PTK2: variants seen among roughly 807,000 people sequenced by gnomAD.
The protein encoded by PTK2 is protein tyrosine kinase 2, also known as focal adhesion kinase 1.
In PTK2, 45 loss-of-function variants were observed where a neutral mutation model predicts 150.1. The observed-to-expected ratio is 0.30, with a 90% CI of 0.24 to 0.38. The LOEUF is 0.38. PTK2 is among the 10% of genes least tolerant of loss of function. The pLI, the probability that PTK2 is intolerant of heterozygous loss-of-function variation, is 1.00. For missense variants in PTK2, 919 were observed against 1,307.3 expected (o/e 0.70, Z 4.58); for synonymous variants, 432 against 449.2 (o/e 0.96, Z 0.48).
At chr8:140,738,949 G>C in intron 21 of PTK2, 69 bp downstream of exon 24, 1 of 1,080,486 alleles carries the variant, frequency 9.3e-7, no homozygotes, top group Non-Finnish European at 1.3e-6. Flanking sequence ...TCCAAAAAGA[G>C]ATAATTTTTT....
At chr8:140,982,735 T>C (rs1022923772) in intron 1 of PTK2, among the ~76,000 whole-genome samples, 1 of 152,238 alleles carries the variant, frequency 6.6e-6, no homozygotes, top group African/African-American at 2.4e-5. Flanking sequence ...TTATGTCACA[T>C]TTTAGCAGGA....
intron 18 of PTK2, among the ~76,000 whole-genome samples, chr8:140,744,997 G>A (rs1044565424): frequency 6.6e-6 from 1 of 151,982 alleles, no homozygotes; most frequent in African/African-American, 2.4e-5. Flanking sequence ...AAATATTTTT[G>A]ACTAACGACA....
intron 10 of PTK2, among the ~76,000 whole-genome samples, chr8:140,804,804 T>C (rs891732451): frequency 6.6e-6 from 1 of 152,228 alleles, no homozygotes; most frequent in African/African-American, 2.4e-5. Context: ...ACATGTGTTT[T>C]GCAGGGCTCC....
chr8:140,749,148 G>GT (rs1378142443), intron 17 of PTK2, among the ~76,000 whole-genome samples: 1 of 152,058 alleles, frequency 6.6e-6, no homozygotes, highest in Non-Finnish European at 1.5e-5. Flanking sequence ...GGACCTGGTA[G>GT]TTTTTTTCAA....
intron 29 of PTK2, chr8:140,669,323 A>G (rs988897542): frequency 4.3e-5 from 6 of 138,740 alleles, no homozygotes; most frequent in African/African-American, 1.4e-4. Flanking sequence ...ATATATATAT[A>G]TATATATATA....
At chr8:140,790,269 T>G (rs1012448275) in intron 13 of PTK2, among the ~76,000 whole-genome samples, 3 of 152,210 alleles carry the variant, frequency 2.0e-5, no homozygotes, top group Non-Finnish European at 4.4e-5. Context: ...ACAGTATAGG[T>G]TGAATATCTC....
intron 5 of PTK2, among the ~76,000 whole-genome samples, chr8:140,857,469 G>C (rs1245477927): frequency 6.6e-6 from 1 of 152,146 alleles, no homozygotes; most frequent in East Asian, 1.9e-4. Context: ...CAATGACTTA[G>C]GATTCCAACA....
At chr8:140,899,574 G>A (rs1034315817) in intron 2 of PTK2, among the ~76,000 whole-genome samples, 3 of 152,010 alleles carry the variant, frequency 2.0e-5, no homozygotes, top group African/African-American at 7.2e-5. Context: ...TATTGAAGAG[G>A]GGAGAATATT....
intron 2 of PTK2, among the ~76,000 whole-genome samples, chr8:140,901,137 A>C (rs2100158283): frequency 6.6e-6 from 1 of 152,158 alleles, no homozygotes; most frequent in African/African-American, 2.4e-5. Context: ...AAAGCCTCCA[A>C]CCTCCAAGAT....
At chr8:140,699,338 G>T (rs1022452031) in intron 26 of PTK2, among the ~76,000 whole-genome samples, 5 of 152,102 alleles carry the variant, frequency 3.3e-5, no homozygotes, top group African/African-American at 1.2e-4. Flanking sequence ...CAAGGAGAGT[G>T]GGGAATGGGT....
rs556490328 is a variant in PTK2, at chr8:140,940,957, C to T, written c.-121-15208G>A. On this transcript the variant is annotated intron_variant, in intron 1 of 31. Transcript: ENST00000522684. ...TGCATTCCAGCCTGGGTGACAAGAG[C>T]GAAACTCCATCTCAAAAAAAATTTT... Among the ~76,000 whole-genome samples, 14 of 151,382 alleles carry T rather than the reference C, an allele frequency of 9.2e-5. No homozygotes were observed. In the South Asian group the frequency reaches 2.1e-3, roughly 23 times the overall value.
intron 10 of PTK2, among the ~76,000 whole-genome samples, chr8:140,817,667 G>C (rs967151062): frequency 1.3e-5 from 2 of 152,132 alleles, no homozygotes; most frequent in Non-Finnish European, 2.9e-5. Flanking sequence ...AAGGACTTCT[G>C]TTTTGTTCCT....
Position 140,920,927 on chromosome 8 carries a change from T to C in PTK2, c.-33+4734A>G, listed in dbSNP as rs185557754. The C allele has an allele frequency of 1.7e-5, 26 of 1,498,902 alleles. No homozygotes were observed. In the East Asian group the frequency reaches 6.7e-4, roughly 39 times the overall value. 92.9% of individuals were successfully genotyped at this position (1,498,902 alleles called of 1,614,324 possible). On this transcript the variant is annotated intron_variant, in intron 2 of 31. Transcript: ENST00000522684. ...TTCCAACAACATACACCCAATCCTA[T>C]AAAGATCAAGCCAGGAGTCTGCACA...
intron 1 of PTK2, among the ~76,000 whole-genome samples, chr8:140,983,366 G>A (rs2100192155): frequency 9.0e-6 from 1 of 111,140 alleles, no homozygotes. Flanking sequence ...GGGCAACAGA[G>A]TAAGACTCCA....
At chr8:140,996,354 G>A (rs1032622069) in intron 1 of PTK2, among the ~76,000 whole-genome samples, 2 of 152,202 alleles carry the variant, frequency 1.3e-5, no homozygotes, top group Non-Finnish European at 2.9e-5. Flanking sequence ...GCAAGTGCTG[G>A]TGGAGAAGCT....
intron 1 of PTK2, among the ~76,000 whole-genome samples, chr8:140,991,267 A>T (rs905697238): frequency 6.6e-6 from 1 of 152,192 alleles, no homozygotes; most frequent in Non-Finnish European, 1.5e-5. Flanking sequence ...TGACCCTGTT[A>T]TTATATGCTA....
At position 140,702,805 on chromosome 8, in the gene PTK2, G is replaced by A. The variant is rs57585617; in HGVS notation, c.2230-98C>T. Reference sequence around the variant, plus strand: ...AACTAAAATTACAGAGAATATTGTGGTAGGCAGAATTATGGCCCCCCAAAG... The same window carrying A: ...AACTAAAATTACAGAGAATATTGTGATAGGCAGAATTATGGCCCCCCAAAG... On this transcript the variant is annotated intron_variant, in intron 24 of 31. Transcript: ENST00000522684. The A allele has an allele frequency of 0.012, 15,766 of 1,357,116 alleles. 651 individuals carry two copies. In the African/African-American group the frequency reaches 0.12, roughly 10 times the overall value. 84.1% of individuals were successfully genotyped at this position (1,357,116 alleles called of 1,614,324 possible).
intron 4 of PTK2, among the ~76,000 whole-genome samples, chr8:140,874,346 G>C (rs758789515): frequency 6.6e-6 from 1 of 152,120 alleles, no homozygotes; most frequent in African/African-American, 2.4e-5. Flanking sequence ...GTCCAAAAAC[G>C]TCATGGAAAT....
intron 3 of PTK2, 55 bp from the exon 4 acceptor site, chr8:140,879,692 A>AAAAAAAAAAAAAC: frequency 7.9e-7 from 1 of 1,270,134 alleles, no homozygotes; most frequent in Non-Finnish European, 1.0e-6. Flanking sequence ...AAAAAAAAAA[A>AAAAAAAAAAAAAC]AAAAAAAAAC....
Sources: allele counts gnomAD v4.1 joint callset (sites outside exome capture counted in the v4.1 genomes callset), GRCh38; gene constraint gnomAD v4.1.1; transcripts MANE v1.5; gene names NCBI Gene and HGNC (gene_info 2026-07-23, HGNC 2026-07-21).